R3HDM4: variants seen among roughly 807,000 people sequenced by gnomAD.
The protein encoded by R3HDM4 is R3H domain-containing protein 4.
R3HDM4 carries 30 observed loss-of-function variants against 31.3 expected under a neutral mutation model. That is an observed-to-expected ratio of 0.96 (90% CI 0.72 to 1.30). The LOEUF (loss-of-function observed/expected upper bound fraction) is 1.30. Ranked by LOEUF, R3HDM4 falls within the 50% of genes most tolerant of loss-of-function variation. The probability of loss-of-function intolerance (pLI) is 0.00; values close to 1 mark genes in which losing one functional copy is unlikely to be tolerated. For missense variants in R3HDM4, 444 were observed against 366.1 expected (o/e 1.21, Z -1.74); for synonymous variants, 196 against 156.6 (o/e 1.25, Z -1.88).
chr19:897,551 G>C lies in R3HDM4; in HGVS notation c.704-11C>G, dbSNP rs1248285503. 2 of 1,600,262 alleles carry C rather than the reference G, an allele frequency of 1.2e-6. No individual in the cohort carries two copies. The highest frequency in any genetic ancestry group is 2.7e-5 in the African/African-American group (2 of 74,650). Reference sequence around the variant, plus strand: ...CCTCCAGGTCAGCACCTGCAGACGGGACCAGCGGGGCAAGAACGGGAGGAA... The same window carrying C: ...CCTCCAGGTCAGCACCTGCAGACGGCACCAGCGGGGCAAGAACGGGAGGAA... On this transcript the variant is annotated splice_polypyrimidine_tract_variant and intron_variant, in intron 7 of 7. Transcript: ENST00000361574.
intron 3 of R3HDM4, 148 bp downstream of exon 3, chr19:901,274 G>C: frequency 1.1e-6 from 1 of 907,964 alleles, no homozygotes. Flanking sequence ...GCCTGGTCTG[G>C]GGACCCCGAA....
chr19:904,853 G>A (rs1320278835), intron 1 of R3HDM4, among the ~76,000 whole-genome samples: 1 of 152,122 alleles, frequency 6.6e-6, no homozygotes, highest in Admixed American at 6.5e-5. Context: ...CATGTAAAGA[G>A]TCCTCAAGCC....
At chr19:901,902 CAG>C in intron 2 of R3HDM4, 72 bp downstream of exon 2, 1 of 1,565,232 alleles carries the variant, frequency 6.4e-7, no homozygotes, top group Non-Finnish European at 8.7e-7. Context: ...GGAGGGGTAA[CAG>C]ATAACACCAA....
intron 1 of R3HDM4, among the ~76,000 whole-genome samples, chr19:911,394 A>C (rs1258791428): frequency 1.3e-5 from 2 of 152,230 alleles, no homozygotes; most frequent in Non-Finnish European, 2.9e-5. Flanking sequence ...CAGTGAATGA[A>C]GATCGTGCCA....
intron 1 of R3HDM4, among the ~76,000 whole-genome samples, chr19:911,439 G>A (rs1010347602): frequency 2.6e-5 from 4 of 152,222 alleles, no homozygotes; most frequent in Admixed American, 6.5e-5. Flanking sequence ...GCGAGACTCC[G>A]TCTCAAAATA....
At chr19:912,324 G>C (rs1486547712) in intron 1 of R3HDM4, among the ~76,000 whole-genome samples, 3 of 45,026 alleles carry the variant, frequency 6.7e-5, no homozygotes, top group Admixed American at 1.9e-4. Flanking sequence ...GCGTGGGCCA[G>C]GGCAGTGGGG....
At chr19:904,817 G>C (rs568599893) in intron 1 of R3HDM4, among the ~76,000 whole-genome samples, 1 of 151,938 alleles carries the variant, frequency 6.6e-6, no homozygotes, top group Non-Finnish European at 1.5e-5. Context: ...TCAGAAATGA[G>C]GGCAATGCTC....
chr19:906,220 ATT>A (rs565109821), intron 1 of R3HDM4, among the ~76,000 whole-genome samples: 17 of 101,398 alleles, frequency 1.7e-4, no homozygotes, highest in African/African-American at 2.4e-4. Flanking sequence ...TAGAGATGGG[ATT>A]TTTTTTTTTT....
intron 1 of R3HDM4, among the ~76,000 whole-genome samples, chr19:908,824 G>A (rs960072515): frequency 1.3e-5 from 2 of 150,712 alleles, no homozygotes; most frequent in East Asian, 1.9e-4. Context: ...GGCCCCAGCC[G>A]GCCCGTTTAC....
rs1009614469 is a variant in R3HDM4 at position 907,862 on chromosome 19, C to T, written c.71+5225G>A. On this transcript the variant is annotated intron_variant, in intron 1 of 7. Coordinates refer to ENST00000361574, the MANE Select transcript of R3HDM4 (RefSeq NM_138774.4). The surrounding 1 kb of genome is among the most constrained non-coding windows in gnomAD (Gnocchi z 4.1). Reference sequence around the variant, plus strand: ...TAGTGCTGAGCTGAGCACTGGAAATCGAGTCCCACCATCAGATGGAGCTGG... The same window carrying T: ...TAGTGCTGAGCTGAGCACTGGAAATTGAGTCCCACCATCAGATGGAGCTGG... Among the ~76,000 whole-genome samples, 1 of 152,202 alleles carries T rather than the reference C, an allele frequency of 6.6e-6. No homozygotes were observed. The highest frequency in any genetic ancestry group is 1.5e-5 in the Non-Finnish European group (1 of 68,044).
chr19:898,229 A>AAAAT (rs796542745), intron 7 of R3HDM4, among the ~76,000 whole-genome samples: 3 of 140,650 alleles, frequency 2.1e-5, no homozygotes, highest in African/African-American at 7.8e-5. Context: ...TAAAAAAAAA[A>AAAAT]ATATATATAT....
intron 1 of R3HDM4, among the ~76,000 whole-genome samples, chr19:911,099 C>G (rs1232940789): frequency 6.6e-6 from 1 of 150,980 alleles, no homozygotes; most frequent in Non-Finnish European, 1.5e-5. Flanking sequence ...CCAGCCTGGA[C>G]GACAGAGTGA....
chr19:901,917 T>G (rs1599358602), intron 2 of R3HDM4, 59 bp downstream of exon 2: 1 of 1,596,110 alleles, frequency 6.3e-7, no homozygotes, highest in Non-Finnish European at 8.5e-7. Flanking sequence ...AACACCAATA[T>G]GCATGCCATT....
At position 897,142 on chromosome 19, in the gene R3HDM4, C is replaced by T. The variant is rs972896663; in HGVS notation, c.*295G>A. The T allele has an allele frequency of 1.9e-4, 66 of 349,360 alleles. No homozygotes were observed. The highest frequency in any genetic ancestry group is 4.2e-4 in the South Asian group (4 of 9,436). 21.6% of individuals were successfully genotyped at this position (349,360 alleles called of 1,614,324 possible). A position where few individuals can be genotyped will look rare whatever the true frequency, so the allele number is the denominator to read the frequency against. ...CCCCCTCCTCACTTGAGCTTCAGACCGGGCCAGAAAAGCTCAACGATGAAG... is the reference window on the plus strand; with the variant it reads ...CCCCCTCCTCACTTGAGCTTCAGACTGGGCCAGAAAAGCTCAACGATGAAG... On this transcript the variant is annotated 3_prime_UTR_variant, in exon 8 of 8. Transcript: ENST00000361574.
chr19:902,210 C>A lies in R3HDM4; in HGVS notation c.72-80G>T. 5.2e-6 allele frequency: 8 copies of A among 1,530,884 alleles called. No individual in the cohort carries two copies. The South Asian group carries it at 6.8e-5, about 13-fold the overall frequency. The allele number at this position is 1,530,884 out of a possible 1,614,324, so 94.8% of individuals were successfully genotyped here. A position where few individuals can be genotyped will look rare whatever the true frequency, so the allele number is the denominator to read the frequency against. ...GAAGGGCCCTACCACAGCCATGGCC[C>A]GCTTGGTTTCCCCCAGCAATGGAGA... On this transcript the variant is annotated intron_variant, in intron 1 of 7. Coordinates refer to ENST00000361574, the MANE Select transcript of R3HDM4 (RefSeq NM_138774.4).
At chr19:909,061 C>A (rs2036940474) in intron 1 of R3HDM4, among the ~76,000 whole-genome samples, 2 of 152,210 alleles carry the variant, frequency 1.3e-5, no homozygotes, top group Non-Finnish European at 2.9e-5. Flanking sequence ...AAACTGAGGA[C>A]CCAGCGGGGG....
intron 1 of R3HDM4, among the ~76,000 whole-genome samples, chr19:908,558 C>T (rs1388371769): frequency 2.0e-5 from 3 of 151,644 alleles, no homozygotes; most frequent in Non-Finnish European, 4.4e-5. Flanking sequence ...TGCAGTGAGC[C>T]GAGATCACAA....
At position 897,334 on chromosome 19, in the gene R3HDM4, T is replaced by C; in HGVS notation, c.*103A>G. 1.1e-6 allele frequency: 1 copy of C among 910,152 alleles called. No individual in the cohort carries two copies. Among genetic ancestry groups the C allele is most frequent in the Non-Finnish European group, 1.6e-6 (1 of 610,434 alleles). 56.4% of individuals were successfully genotyped at this position (910,152 alleles called of 1,614,324 possible). On this transcript the variant is annotated 3_prime_UTR_variant, in exon 8 of 8. Coordinates refer to ENST00000361574, the MANE Select transcript of R3HDM4 (RefSeq NM_138774.4). ...GAGAGACCACCCCAAGCGAAAAAGG[T>C]TTCCGAGGACAAATTCTAAAAATAT...
At chr19:897,582 G>A (rs1283796700) in intron 7 of R3HDM4, 42 bp from the exon 8 acceptor site, 6 of 1,514,342 alleles carry the variant, frequency 4.0e-6, no homozygotes, top group Non-Finnish European at 5.4e-6. Flanking sequence ...AGGAATTTGG[G>A]AGCCGCGGCA....
Sources: allele counts gnomAD v4.1 joint callset (sites outside exome capture counted in the v4.1 genomes callset), GRCh38; gene constraint gnomAD v4.1.1; non-coding constraint Gnocchi (gnomAD v3.1); transcripts MANE v1.5; gene names NCBI Gene and HGNC (gene_info 2026-07-23, HGNC 2026-07-21).